Variants in HES2 observed in about 807,000 individuals in gnomAD.
The protein encoded by HES2 is transcription factor HES-2.
Under a neutral mutation model 11.9 loss-of-function variants are expected in HES2, and 11 were observed. The observed-to-expected ratio is 0.92, with a 90% CI of 0.58 to 1.53. HES2 has a LOEUF of 1.53. Ranked by LOEUF, HES2 falls within the 40% of genes most tolerant of loss-of-function variation. The pLI is 0.00. For missense variants in HES2, 260 were observed against 253.8 expected (o/e 1.02, Z -0.16); for synonymous variants, 125 against 122.8 (o/e 1.02, Z -0.12).
Position 6,419,345 on chromosome 1 carries a change from G to A in HES2, c.142-5C>T. The A allele has an allele frequency of 1.9e-6, 3 of 1,606,646 alleles. No individual in the cohort carries two copies. Among genetic ancestry groups the A allele is most frequent in the Non-Finnish European group, 2.5e-6 (3 of 1,176,830 alleles). On this transcript the variant is annotated splice_polypyrimidine_tract_variant and splice_region_variant and intron_variant, in intron 2 of 3. Coordinates refer to ENST00000377834, the MANE Select transcript of HES2 (RefSeq NM_019089.5). This position sits in a 1 kb window ranked among gnomAD's most constrained non-coding sequence, Gnocchi z 8.1. ...TAGCTTCGAGCAGTTGGAGTTCTGC[G>A]CCCGGCCACGAGGAAGAGCGACAGA...
chr1:6,419,068 G>A lies in HES2; in HGVS notation c.327C>T (p.Pro109=), dbSNP rs928804847. ...RVLPACRVLE[P]AVSARLLEHL... ...GCTCCAGCAGGCGCGCGCTCACGGCGGGCTCCAGGACACGGCAGGCGGGCA... is the reference window on the plus strand; with the variant it reads ...GCTCCAGCAGGCGCGCGCTCACGGCAGGCTCCAGGACACGGCAGGCGGGCA... The change falls in exon 4 of 4, where the codon CCC becomes CCT. Residue 109 remains proline (P), a synonymous_variant. Transcript: ENST00000377834. The surrounding 1 kb of genome is among the most constrained non-coding windows in gnomAD (Gnocchi z 8.1). 27 of 1,479,668 alleles carry A rather than the reference G, an allele frequency of 1.8e-5. No homozygotes were observed. In the African/African-American group the frequency reaches 3.1e-4, roughly 17 times the overall value. 91.7% of individuals were successfully genotyped at this position (1,479,668 alleles called of 1,614,324 possible).
chr1:6,419,122 G>A lies in HES2; in HGVS notation c.273C>T (p.Ser91=). Residue 91 remains serine (S), a synonymous_variant, in exon 4 of 4, where the codon AGC becomes AGT. Coordinates refer to ENST00000377834, the MANE Select transcript of HES2 (RefSeq NM_019089.5). This position sits in a 1 kb window ranked among gnomAD's most constrained non-coding sequence, Gnocchi z 8.1. ...CGCGGGCCAGGCGCGCCACACAGGC[G>A]CTGTAGCCCTCGCGGTAGCTGTCGC... The part of the protein sequence containing the change: ...LPCDSYREGY[S]ACVARLARVL... 6.6e-7 allele frequency: 1 copy of A among 1,518,680 alleles called. No homozygotes were observed. Among genetic ancestry groups the A allele is most frequent in the Non-Finnish European group, 8.8e-7 (1 of 1,140,758 alleles). 94.1% of individuals were successfully genotyped at this position (1,518,680 alleles called of 1,614,324 possible). A position where few individuals can be genotyped will look rare whatever the true frequency, so the allele number is the denominator to read the frequency against.
chr1:6,419,468 C>A lies in HES2; in HGVS notation c.142-128G>T. 1 of 1,158,960 alleles carries A rather than the reference C, an allele frequency of 8.6e-7. No homozygotes were observed. The highest frequency in any genetic ancestry group is 1.5e-5 in the South Asian group (1 of 66,310). 71.8% of individuals were successfully genotyped at this position (1,158,960 alleles called of 1,614,324 possible). ...CGCCGTGGCCTGCTGGGGGTCCGCT[C>A]CGACGCGCCCACCCCACCCAGGCTC... On this transcript the variant is annotated intron_variant, in intron 2 of 3. Transcript: ENST00000377834. The surrounding 1 kb of genome is among the most constrained non-coding windows in gnomAD (Gnocchi z 8.1).
Position 6,415,935 on chromosome 1 carries a change from T to C in HES2, c.*2938A>G, listed in dbSNP as rs1011173936. The C allele has an allele frequency of 2.0e-5, 3 of 152,254 alleles. No homozygotes were observed. Among genetic ancestry groups the C allele is most frequent in the African/African-American group, 7.2e-5 (3 of 41,440 alleles). 9.4% of individuals were successfully genotyped at this position (152,254 alleles called of 1,614,324 possible). A position where few individuals can be genotyped will look rare whatever the true frequency, so the allele number is the denominator to read the frequency against. On this transcript the variant is annotated 3_prime_UTR_variant, in exon 4 of 4. Transcript: ENST00000377834. ...CTGGGGTTACAGGCACCCGCCGTCA[T>C]GCCCAGCTAATTTCCATATTTTTGT...
In HES2 at chr1:6,419,543, AC is replaced by A. The variant is rs918128916; in HGVS notation, c.141+63del. ...CCTGGTGGGTTCCTCCCGCAGGAGC[AC>A]CCCGTCCCCCTGCCCCCGCTCCGCG... On this transcript the variant is annotated intron_variant, in intron 2 of 3. Coordinates refer to ENST00000377834, the MANE Select transcript of HES2 (RefSeq NM_019089.5). The surrounding 1 kb of genome is among the most constrained non-coding windows in gnomAD (Gnocchi z 8.1). 9.3e-5 allele frequency: 128 copies of A among 1,377,954 alleles called. No individual in the cohort carries two copies. The highest frequency in any genetic ancestry group is 1.2e-4 in the Non-Finnish European group (126 of 1,030,484). The allele number at this position is 1,377,954 out of a possible 1,614,324, so 85.4% of individuals were successfully genotyped here. A position where few individuals can be genotyped will look rare whatever the true frequency, so the allele number is the denominator to read the frequency against.
At position 6,419,846 on chromosome 1, in the gene HES2, G is replaced by GCGAGCCCA. The variant is rs760911003; in HGVS notation, c.-27_-26insTGGGCTCG. ...GCTCCGCGGGGAAGCGGTGGCAGCTGCGAGCCCCACGCAAAGGGAAACCGA... is the reference window on the plus strand; with the variant it reads ...GCTCCGCGGGGAAGCGGTGGCAGCTGCGAGCCCACGAGCCCCACGCAAAGGGAAACCGA... On this transcript the variant is annotated 5_prime_UTR_variant, in exon 1 of 4. Transcript: ENST00000377834. The surrounding 1 kb of genome is among the most constrained non-coding windows in gnomAD (Gnocchi z 8.1). 6.5e-7 allele frequency: 1 copy of GCGAGCCCA among 1,529,872 alleles called. No homozygotes were observed. Among genetic ancestry groups the GCGAGCCCA allele is most frequent in the Non-Finnish European group, 8.7e-7 (1 of 1,143,776 alleles). 94.8% of individuals were successfully genotyped at this position (1,529,872 alleles called of 1,614,324 possible).
chr1:6,419,067 C>T lies in HES2; in HGVS notation c.328G>A (p.Ala110Thr), dbSNP rs548723673. The T allele has an allele frequency of 3.6e-5, 54 of 1,479,928 alleles. No homozygotes were observed. In the African/African-American group the frequency reaches 7.6e-4, roughly 21 times the overall value. 91.7% of individuals were successfully genotyped at this position (1,479,928 alleles called of 1,614,324 possible). A position where few individuals can be genotyped will look rare whatever the true frequency, so the allele number is the denominator to read the frequency against. Residue 110 changes from alanine to threonine, a missense_variant, in exon 4 of 4, where the codon GCC (alanine) becomes ACC (threonine). Transcript: ENST00000377834. This position sits in a 1 kb window ranked among gnomAD's most constrained non-coding sequence, Gnocchi z 8.1. ...VLPACRVLEP[A>T]VSARLLEHLW... ...TGCTCCAGCAGGCGCGCGCTCACGGCGGGCTCCAGGACACGGCAGGCGGGC... is the reference window on the plus strand; with the variant it reads ...TGCTCCAGCAGGCGCGCGCTCACGGTGGGCTCCAGGACACGGCAGGCGGGC...
At position 6,418,665 on chromosome 1, in the gene HES2, C is replaced by T. The variant is rs1377076980; in HGVS notation, c.*208G>A. 3 of 422,236 alleles carry T rather than the reference C, an allele frequency of 7.1e-6. No individual in the cohort carries two copies. Among genetic ancestry groups the T allele is most frequent in the Non-Finnish European group, 1.2e-5 (3 of 249,290 alleles). The allele number at this position is 422,236 out of a possible 1,614,324, so 26.2% of individuals were successfully genotyped here. A position where few individuals can be genotyped will look rare whatever the true frequency, so the allele number is the denominator to read the frequency against. On this transcript the variant is annotated 3_prime_UTR_variant, in exon 4 of 4. Transcript: ENST00000377834. ...TTCTCCAGCCAAGTTGGGGGTGAAG[C>T]AGGGACGCTCCTTTTATTCCCTGAG...
Position 6,419,178 on chromosome 1 carries a change from C to A in HES2, c.242-25G>T. On this transcript the variant is annotated intron_variant, in intron 3 of 3. Transcript: ENST00000377834. This position sits in a 1 kb window ranked among gnomAD's most constrained non-coding sequence, Gnocchi z 8.1. ...ACTGCGGGCGGAGAGCCGCGTGAGG[C>A]GCGGGGTAGGGTGCCGGGTGCGGGG... 6.4e-7 allele frequency: 1 copy of A among 1,569,062 alleles called. No homozygotes were observed. The highest frequency in any genetic ancestry group is 8.6e-7 in the Non-Finnish European group (1 of 1,164,608).
chr1:6,419,883 AGGTCCCG>A lies in HES2; in HGVS notation c.-70_-64del. 6.8e-7 allele frequency: 1 copy of A among 1,467,600 alleles called. No individual in the cohort carries two copies. Among genetic ancestry groups the A allele is most frequent in the Non-Finnish European group, 9.0e-7 (1 of 1,110,460 alleles). 90.9% of individuals were successfully genotyped at this position (1,467,600 alleles called of 1,614,324 possible). A position where few individuals can be genotyped will look rare whatever the true frequency, so the allele number is the denominator to read the frequency against. On this transcript the variant is annotated 5_prime_UTR_variant, in exon 1 of 4. Coordinates refer to ENST00000377834, the MANE Select transcript of HES2 (RefSeq NM_019089.5). The surrounding 1 kb of genome is among the most constrained non-coding windows in gnomAD (Gnocchi z 8.1). ...CAAAGGGAAACCGAGGTCCGAAATG[AGGTCCCG>A]GGCGCGGCCCGGGCTGGTGCCAGAC...
chr1:6,419,341 C>T lies in HES2; in HGVS notation c.142-1G>A. 1 of 1,608,466 alleles carries T rather than the reference C, an allele frequency of 6.2e-7. No individual in the cohort carries two copies. Among genetic ancestry groups the T allele is most frequent in the African/African-American group, 1.3e-5 (1 of 74,742 alleles). On this transcript the variant is annotated splice_acceptor_variant, in intron 2 of 3. Transcript: ENST00000377834. LOFTEE classifies it high-confidence loss of function. This position sits in a 1 kb window ranked among gnomAD's most constrained non-coding sequence, Gnocchi z 8.1. The stretch of plus-strand genomic sequence containing the variant: ...TCTCTAGCTTCGAGCAGTTGGAGTT[C>T]TGCGCCCGGCCACGAGGAAGAGCGA...
In HES2 at chr1:6,419,293, G is replaced by C. The variant is rs1374735328; in HGVS notation, c.189C>G (p.Thr63=). 2.5e-6 allele frequency: 4 copies of C among 1,610,954 alleles called. No individual in the cohort carries two copies. Among genetic ancestry groups the C allele is most frequent in the East Asian group, 4.5e-5 (2 of 44,790 alleles). The change falls in exon 3 of 4, where the codon ACC becomes ACG. Residue 63 remains threonine (T), a synonymous_variant. Coordinates refer to ENST00000377834, the MANE Select transcript of HES2 (RefSeq NM_019089.5). This position sits in a 1 kb window ranked among gnomAD's most constrained non-coding sequence, Gnocchi z 8.1. ...KLEKADVLEM[T]VRFLQELPAS... is the part of the protein sequence containing the mutation. ...CAGGCAGCTCCTGCAGGAAGCGCACGGTCATTTCCAGGACGTCTGCCTTCT... is the reference window on the plus strand; with the variant it reads ...CAGGCAGCTCCTGCAGGAAGCGCACCGTCATTTCCAGGACGTCTGCCTTCT...
Position 6,419,241 on chromosome 1 carries a change from G to A in HES2, c.241C>T (p.Leu81=). ...PASSWPTAAP[L]PCDSYREGYS... ...GGCAGGGCAGGGAGGGCTCACTCAC[G>A]GGGCGCTGCCGTGGGCCATGAGGAC... The change falls in exon 3 of 4, where the codon CTG becomes TTG. Residue 81 remains leucine (L), a splice_region_variant and synonymous_variant. Coordinates refer to ENST00000377834, the MANE Select transcript of HES2 (RefSeq NM_019089.5). This position sits in a 1 kb window ranked among gnomAD's most constrained non-coding sequence, Gnocchi z 8.1. 6.2e-7 allele frequency: 1 copy of A among 1,608,232 alleles called. No homozygotes were observed. Among genetic ancestry groups the A allele is most frequent in the Non-Finnish European group, 8.5e-7 (1 of 1,178,618 alleles).
chr1:6,419,598 C>A lies in HES2; in HGVS notation c.141+9G>T. 1.3e-6 allele frequency: 2 copies of A among 1,528,778 alleles called. No homozygotes were observed. The highest frequency in any genetic ancestry group is 1.8e-6 in the Non-Finnish European group (2 of 1,141,816). The allele number at this position is 1,528,778 out of a possible 1,614,324, so 94.7% of individuals were successfully genotyped here. On this transcript the variant is annotated intron_variant, in intron 2 of 3. Transcript: ENST00000377834. The surrounding 1 kb of genome is among the most constrained non-coding windows in gnomAD (Gnocchi z 8.1). ...CAGGACCCTCTGCCCTCCGCCCGGG[C>A]GCGCTCACCTCCCGGCCCAGCAGCG...
In HES2 at chr1:6,419,200, G is replaced by C. The variant is rs1368322692; in HGVS notation, c.241+41C>G. 2 of 1,591,360 alleles carry C rather than the reference G, an allele frequency of 1.3e-6. No homozygotes were observed. Among genetic ancestry groups the C allele is most frequent in the African/African-American group, 2.7e-5 (2 of 73,792 alleles). On this transcript the variant is annotated intron_variant, in intron 3 of 3. Transcript: ENST00000377834. This position sits in a 1 kb window ranked among gnomAD's most constrained non-coding sequence, Gnocchi z 8.1. The stretch of plus-strand genomic sequence containing the variant: ...AGGCGCGGGGTAGGGTGCCGGGTGC[G>C]GGGTGCAGAGCGCGCGGCAGGGCAG...
Position 6,418,981 on chromosome 1 carries a change from G to C in HES2, c.414C>G (p.Gly138=), listed in dbSNP as rs1284684426. 1.5e-6 allele frequency: 2 copies of C among 1,361,250 alleles called. No individual in the cohort carries two copies. Among genetic ancestry groups the C allele is most frequent in the East Asian group, 6.1e-5 (2 of 32,690 alleles). The allele number at this position is 1,361,250 out of a possible 1,614,324, so 84.3% of individuals were successfully genotyped here. Residue 138 remains glycine, a synonymous_variant, in exon 4 of 4, where the codon GGC becomes GGG. Coordinates refer to ENST00000377834, the MANE Select transcript of HES2 (RefSeq NM_019089.5). Reference sequence around the variant, plus strand: ...CGGGCGCTGGGGCGGGGGCAGACGGGCCACTGGAATCCCCAGCGCGCCCGC... The same window carrying C: ...CGGGCGCTGGGGCGGGGGCAGACGGCCCACTGGAATCCCCAGCGCGCCCGC... The part of the protein sequence containing the change: ...LDGGRAGDSS[G]PSAPAPAPAS...
chr1:6,419,292 C>T lies in HES2; in HGVS notation c.190G>A (p.Val64Met). ...GCAGGCAGCTCCTGCAGGAAGCGCACGGTCATTTCCAGGACGTCTGCCTTC... is the reference window on the plus strand; with the variant it reads ...GCAGGCAGCTCCTGCAGGAAGCGCATGGTCATTTCCAGGACGTCTGCCTTC... Reference protein sequence around the residue: ...LEKADVLEMTVRFLQELPASS... With the variant: ...LEKADVLEMTMRFLQELPASS... Residue 64 changes from valine (V) to methionine (M), a missense_variant, in exon 3 of 4, where the codon GTG becomes ATG. Transcript: ENST00000377834. This position sits in a 1 kb window ranked among gnomAD's most constrained non-coding sequence, Gnocchi z 8.1. 4 of 1,610,940 alleles carry T rather than the reference C, an allele frequency of 2.5e-6. No individual in the cohort carries two copies. The highest frequency in any genetic ancestry group is 3.4e-6 in the Non-Finnish European group (4 of 1,179,190).
In HES2 at chr1:6,418,756, G is replaced by T; in HGVS notation, c.*117C>A. 9.6e-7 allele frequency: 1 copy of T among 1,044,722 alleles called. No homozygotes were observed. The highest frequency in any genetic ancestry group is 1.2e-6 in the Non-Finnish European group (1 of 816,470). The allele number at this position is 1,044,722 out of a possible 1,614,324, so 64.7% of individuals were successfully genotyped here. On this transcript the variant is annotated 3_prime_UTR_variant, in exon 4 of 4. Coordinates refer to ENST00000377834, the MANE Select transcript of HES2 (RefSeq NM_019089.5). ...CACAAACAGCCGGCTTCCGGCCTGG[G>T]TGTGGGTACTGGGCTGGCCCCTAAT...
In HES2 at chr1:6,419,534, C is replaced by T. The variant is rs1642887172; in HGVS notation, c.141+73G>A. 3.0e-6 allele frequency: 4 copies of T among 1,351,660 alleles called. No individual in the cohort carries two copies. The highest frequency in any genetic ancestry group is 3.0e-6 in the Non-Finnish European group (3 of 1,010,364). 83.7% of individuals were successfully genotyped at this position (1,351,660 alleles called of 1,614,324 possible). A position where few individuals can be genotyped will look rare whatever the true frequency, so the allele number is the denominator to read the frequency against. On this transcript the variant is annotated intron_variant, in intron 2 of 3. Coordinates refer to ENST00000377834, the MANE Select transcript of HES2 (RefSeq NM_019089.5). This position sits in a 1 kb window ranked among gnomAD's most constrained non-coding sequence, Gnocchi z 8.1. ...GCGGAACCCCCTGGTGGGTTCCTCC[C>T]GCAGGAGCACCCCGTCCCCCTGCCC...
Sources: allele counts gnomAD v4.1 joint callset, GRCh38; gene constraint gnomAD v4.1.1; non-coding constraint Gnocchi (gnomAD v3.1); transcripts MANE v1.5; gene names NCBI Gene and HGNC (gene_info 2026-07-23, HGNC 2026-07-21).